ABHD12B: variants seen among roughly 807,000 people sequenced by gnomAD.
The protein encoded by ABHD12B is protein ABHD12B.
A neutral mutation model predicts 50.4 loss-of-function variants in ABHD12B; 42 were observed. That is an observed-to-expected ratio of 0.83 (90% confidence interval 0.65 to 1.08). ABHD12B has a LOEUF of 1.08. Among genes scored for constraint, ABHD12B ranks in the 50% least tolerant of loss-of-function variants. The pLI is 0.00. For missense variants in ABHD12B, 479 were observed against 447.7 expected (o/e 1.07, Z -0.63); for synonymous variants, 167 against 160.3 (o/e 1.04, Z -0.32).
intron 9 of ABHD12B, among the ~76,000 whole-genome samples, chr14:50,896,313 A>AC (rs1354397403): frequency 6.7e-6 from 1 of 148,926 alleles, no homozygotes. Flanking sequence ...CCTCCATACC[A>AC]CCCCCCAAAA....
chr14:50,892,151 T>G (rs950215006), intron 9 of ABHD12B: 1 of 152,586 alleles, frequency 6.6e-6, no homozygotes, highest in African/African-American at 2.4e-5. Flanking sequence ...CATTGAGTCT[T>G]CAAATTCATG....
chr14:50,892,669 C>T (rs1342557773), intron 9 of ABHD12B: 6 of 851,770 alleles, frequency 7.0e-6, no homozygotes, highest in Non-Finnish European at 8.5e-6. Context: ...TGTATTATTC[C>T]CTTTCTCATA....
chr14:50,874,055 C>T (rs527555401), intron 1 of ABHD12B, among the ~76,000 whole-genome samples: 13 of 152,274 alleles, frequency 8.5e-5, no homozygotes, highest in Admixed American at 3.9e-4. Context: ...TTCTTGGAGC[C>T]GGGTTCACTT....
At chr14:50,884,702 C>CTTTTTTTTTTTTTTTTTTTTTTTTTTTT (rs35439744) in intron 5 of ABHD12B, among the ~76,000 whole-genome samples, 2 of 126,594 alleles carry the variant, frequency 1.6e-5, no homozygotes, top group African/African-American at 5.9e-5. Flanking sequence ...TGTATTTCTT[C>CTTTTTTTTTTTTTTTTTTTTTTTTTTTT]TTTTTTTTTT....
intron 5 of ABHD12B, 117 bp downstream of exon 5, chr14:50,881,743 G>T: frequency 1.7e-6 from 2 of 1,196,408 alleles, no homozygotes; most frequent in East Asian, 2.3e-5. Flanking sequence ...TACTGGTCAG[G>T]GTGGGTTGTG....
At chr14:50,884,279 C>T (rs2050002571) in intron 5 of ABHD12B, among the ~76,000 whole-genome samples, 1 of 152,038 alleles carries the variant, frequency 6.6e-6, no homozygotes, top group Non-Finnish European at 1.5e-5. Context: ...CCTAGTGGTC[C>T]TTCAACACGT....
At chr14:50,896,085 A>G (rs1555325213) in intron 9 of ABHD12B, among the ~76,000 whole-genome samples, 1 of 150,848 alleles carries the variant, frequency 6.6e-6, no homozygotes, top group Non-Finnish European at 1.5e-5. Flanking sequence ...AGATACCTCT[A>G]CTCCCTCCTT....
At chr14:50,900,455 G>A (rs994350575) in intron 9 of ABHD12B, among the ~76,000 whole-genome samples, 7 of 152,124 alleles carry the variant, frequency 4.6e-5, no homozygotes, top group African/African-American at 1.2e-4. Context: ...ATTTACCTAC[G>A]AAGTTCATAT....
intron 9 of ABHD12B, chr14:50,893,799 C>A (rs953924933): frequency 6.4e-6 from 1 of 156,710 alleles, no homozygotes; most frequent in African/African-American, 2.4e-5. Flanking sequence ...ACCTCCCTCA[C>A]TATCCCTCAA....
intron 9 of ABHD12B, among the ~76,000 whole-genome samples, chr14:50,896,810 C>G (rs1451627354): frequency 6.6e-6 from 1 of 152,138 alleles, no homozygotes; most frequent in African/African-American, 2.4e-5. Context: ...CCGCCTGCAC[C>G]CAGGTGAAAT....
rs1387032216 is a variant in ABHD12B at position 50,894,745 on chromosome 14, G to A, written c.780+5842G>A. Among the ~76,000 whole-genome samples, 5 of 150,282 alleles carry A rather than the reference G, an allele frequency of 3.3e-5. No individual in the cohort carries two copies. In the South Asian group the frequency reaches 6.2e-4, roughly 19 times the overall value. ...CTAGTCTCTGTGCCCAGTGCAACTC[G>A]TCCCAAATCTTCCTTCTTTCCCTCC... is the stretch of plus-strand genomic sequence containing the variant. On this transcript the variant is annotated intron_variant, in intron 9 of 12. Coordinates refer to ENST00000337334, the MANE Select transcript of ABHD12B (RefSeq NM_001206673.2).
chr14:50,878,155 C>T (rs530657135), intron 2 of ABHD12B, 76 bp downstream of exon 2: 228 of 1,254,732 alleles, frequency 1.8e-4, no homozygotes, highest in Middle Eastern at 2.7e-4. Flanking sequence ...AAAGTTGTGA[C>T]GTAGTGAAAA....
At chr14:50,894,118 G>A (rs1325733748) in intron 9 of ABHD12B, among the ~76,000 whole-genome samples, 1 of 150,216 alleles carries the variant, frequency 6.7e-6, no homozygotes, top group Admixed American at 6.6e-5. Flanking sequence ...TTCTCTCCTT[G>A]TCTCTACCCC....
chr14:50,885,754 T>C lies in ABHD12B; in HGVS notation c.533-12T>C, dbSNP rs1012033312. The C allele has an allele frequency of 1.9e-6, 3 of 1,614,072 alleles. No individual in the cohort carries two copies. In the African/African-American group the frequency reaches 4.0e-5, roughly 22 times the overall value. On this transcript the variant is annotated splice_polypyrimidine_tract_variant and intron_variant, in intron 6 of 12. Coordinates refer to ENST00000337334, the MANE Select transcript of ABHD12B (RefSeq NM_001206673.2). The stretch of plus-strand genomic sequence containing the variant: ...AGGCAGTGATACTGTGTTTGCCTTT[T>C]CTTGCTGCCAGGATTTGGGGACTCT...
At chr14:50,881,672 G>A (rs1395921557) in intron 5 of ABHD12B, 46 bp downstream of exon 5, 2 of 1,601,022 alleles carry the variant, frequency 1.2e-6, no homozygotes, top group East Asian at 4.5e-5. Context: ...AAGTCTGTTT[G>A]ATATGTCATA....
chr14:50,881,523 T>A lies in ABHD12B; in HGVS notation c.456-73T>A, dbSNP rs577162726. 8.5e-6 allele frequency: 13 copies of A among 1,528,980 alleles called. No individual in the cohort carries two copies. In the South Asian group the frequency reaches 1.3e-4, roughly 16 times the overall value. 94.7% of individuals were successfully genotyped at this position (1,528,980 alleles called of 1,614,324 possible). On this transcript the variant is annotated intron_variant, in intron 4 of 12. Transcript: ENST00000337334. ...AGATCAGATACCAGCAGCACGAGAGTGATTTTTATTGAATTTGTTATCATC... is the reference window on the plus strand; with the variant it reads ...AGATCAGATACCAGCAGCACGAGAGAGATTTTTATTGAATTTGTTATCATC...
chr14:50,881,723 G>T lies in ABHD12B; in HGVS notation c.486+97G>T, dbSNP rs571015478. On this transcript the variant is annotated intron_variant, in intron 5 of 12. Transcript: ENST00000337334. ...CCTCCGCGTGGTTGTTTTTTGAGAG[G>T]TCTCCAGGGTACTGGTCAGGGTGGG... The T allele has an allele frequency of 1.5e-4, 224 of 1,451,386 alleles. 2 individuals carry two copies. The South Asian group carries it at 2.4e-3, about 16-fold the overall frequency. 89.9% of individuals were successfully genotyped at this position (1,451,386 alleles called of 1,614,324 possible).
In ABHD12B at chr14:50,904,190, G is replaced by A; in HGVS notation, c.1059G>A (p.Val353=). Residue 353 remains valine, a splice_region_variant and synonymous_variant, in exon 12 of 13, where the codon GTG becomes GTA. Coordinates refer to ENST00000337334, the MANE Select transcript of ABHD12B (RefSeq NM_001206673.2). Reference sequence around the variant, plus strand: ...AAAGCCCCACACTGTTAATAACCGTGAGGTAAGAGTTGCTTTGCTAAATGT... The same window carrying A: ...AAAGCCCCACACTGTTAATAACCGTAAGGTAAGAGTTGCTTTGCTAAATGT... The part of the protein sequence containing the change: ...LCKSPTLLIT[V]RDFLSKQWS 1.2e-6 allele frequency: 2 copies of A among 1,614,140 alleles called. No individual in the cohort carries two copies. Among genetic ancestry groups the A allele is most frequent in the Non-Finnish European group, 1.7e-6 (2 of 1,179,962 alleles).
chr14:50,891,528 C>G (rs745839494), intron 9 of ABHD12B: 2 of 152,224 alleles, frequency 1.3e-5, no homozygotes, highest in African/African-American at 4.8e-5. Flanking sequence ...CAGGCGTGAG[C>G]CACCGCGCCC....
Sources: gnomAD v4.1 joint callset for allele counts (sites outside exome capture counted in the v4.1 genomes callset) on GRCh38, gnomAD v4.1.1 for gene constraint, MANE v1.5 for transcripts, NCBI Gene and HGNC (gene_info 2026-07-23, HGNC 2026-07-21) for gene names.